The following NXPE3 variants were observed in gnomAD, a reference collection of about 807,000 sequenced individuals.
The protein encoded by NXPE3 is NXPE family member 3.
NXPE3 carries 26 observed loss-of-function variants against 46.1 expected under a neutral mutation model. That is an observed-to-expected ratio of 0.56 (90% confidence interval 0.41 to 0.78). The LOEUF is 0.78. NXPE3 is among the 30% of genes least tolerant of loss of function. The pLI, the probability that NXPE3 is intolerant of heterozygous loss-of-function variation, is 0.00. For synonymous variants in NXPE3, 272 were observed against 257.9 expected, an observed-to-expected ratio of 1.05 and a Z score of -0.52; for missense variants, 620 against 686.0, an observed-to-expected ratio of 0.90 and a Z score of 1.07.
chr3:101,822,014 A>G lies in NXPE3; in HGVS notation c.*60A>G, dbSNP rs1942282169. On this transcript the variant is annotated 3_prime_UTR_variant, in exon 8 of 8. Transcript: ENST00000273347. ...ATGACCTTCTCAATTGACCTGAGTT[A>G]CAGAAAGTGGCCCCAGTGAGAGATG... The G allele has an allele frequency of 1.3e-6, 2 of 1,509,874 alleles. No homozygotes were observed. Among genetic ancestry groups the G allele is most frequent in the East Asian group, 4.6e-5 (2 of 43,954 alleles). The allele number at this position is 1,509,874 out of a possible 1,614,324, so 93.5% of individuals were successfully genotyped here. A position where few individuals can be genotyped will look rare whatever the true frequency, so the allele number is the denominator to read the frequency against.
intron 3 of NXPE3, among the ~76,000 whole-genome samples, chr3:101,783,532 A>G (rs1939957969): frequency 6.6e-6 from 1 of 152,104 alleles, no homozygotes; most frequent in Non-Finnish European, 1.5e-5. Flanking sequence ...GCTGGGAGGG[A>G]CTTCTTGCAT....
intron 4 of NXPE3, among the ~76,000 whole-genome samples, chr3:101,792,302 A>G (rs959341983): frequency 1.4e-4 from 22 of 152,168 alleles, no homozygotes; most frequent in African/African-American, 5.1e-4. Context: ...TTTTGTTGCA[A>G]TTGCTTTTGG....
chr3:101,787,069 C>T (rs765406988), intron 4 of NXPE3, among the ~76,000 whole-genome samples: 9 of 151,720 alleles, frequency 5.9e-5, no homozygotes, highest in Non-Finnish European at 1.2e-4. Context: ...CTGAGAATCA[C>T]TTGTACCTGG....
At position 101,821,960 on chromosome 3, in the gene NXPE3, C is replaced by A; in HGVS notation, c.*6C>A. On this transcript the variant is annotated 3_prime_UTR_variant, in exon 8 of 8. Transcript: ENST00000273347. ...TGTGCCCCTTGGAAACCTAGCCTGT[C>A]TTGGAAGGGACTGGAGGAATCATAT... The A allele has an allele frequency of 6.2e-7, 1 of 1,610,374 alleles. No homozygotes were observed. Among genetic ancestry groups the A allele is most frequent in the South Asian group, 1.1e-5 (1 of 90,816 alleles).
chr3:101,812,105 G>A (rs1297165069), intron 6 of NXPE3, among the ~76,000 whole-genome samples: 2 of 152,094 alleles, frequency 1.3e-5, no homozygotes, highest in African/African-American at 4.8e-5. Flanking sequence ...TTCATGTTAT[G>A]CAGTAAAAAC....
rs1941162758 is a variant in NXPE3, at chr3:101,801,708, C to T, written c.567C>T (p.His189=). 2 of 1,614,204 alleles carry T rather than the reference C, an allele frequency of 1.2e-6. No individual in the cohort carries two copies. The highest frequency in any genetic ancestry group is 1.7e-6 in the Non-Finnish European group (2 of 1,180,030). The change falls in exon 5 of 8, where the codon CAC becomes CAT. Residue 189 remains histidine (H), a synonymous_variant. Transcript: ENST00000273347. The stretch of plus-strand genomic sequence containing the variant: ...TTAAAGTATCCGTATCTCTGGTCCA[C>T]CCCAGTGAAGGGATCAGAGTTCTTC... ...GKVKVSVSLV[H]PSEGIRVLQR... is the part of the protein sequence containing the mutation.
intron 4 of NXPE3, among the ~76,000 whole-genome samples, chr3:101,799,114 A>T (rs899288898): frequency 1.7e-4 from 26 of 151,896 alleles, no homozygotes; most frequent in Admixed American, 1.3e-3. Context: ...TTAAAAAAAA[A>T]TTCTTGTAGA....
intron 7 of NXPE3, among the ~76,000 whole-genome samples, chr3:101,818,444 G>A (rs1942060868): frequency 6.6e-6 from 1 of 151,942 alleles, no homozygotes; most frequent in East Asian, 1.9e-4. Flanking sequence ...TTCTAATGAT[G>A]TAGCTTGGTA....
intron 1 of NXPE3, chr3:101,781,687 A>G (rs1939832840): frequency 6.6e-6 from 1 of 152,222 alleles, no homozygotes; most frequent in Non-Finnish European, 1.5e-5. Context: ...AAACAGGATC[A>G]CTCAAGTTTA....
intron 6 of NXPE3, among the ~76,000 whole-genome samples, chr3:101,809,654 C>G (rs1469390809): frequency 6.6e-6 from 1 of 151,758 alleles, no homozygotes; most frequent in African/African-American, 2.4e-5. Flanking sequence ...AGTGTAGACT[C>G]ATGAAAATTT....
Position 101,793,627 on chromosome 3 carries a change from C to CTTTTTTTTTTTTTTTTTTTTTTTTTT in NXPE3, c.94-7604_94-7579dup. On this transcript the variant is annotated intron_variant, in intron 4 of 7. Coordinates refer to ENST00000273347, the MANE Select transcript of NXPE3 (RefSeq NM_145037.4). ...TTTTTTTTGTATTAATTGACAAGGT[C>CTTTTTTTTTTTTTTTTTTTTTTTTTT]TTTTTTTTTTTTTTTTTTTTTTTTT... is the stretch of plus-strand genomic sequence containing the variant. Among the ~76,000 whole-genome samples the CTTTTTTTTTTTTTTTTTTTTTTTTTT allele has an allele frequency of 3.1e-4, 6 of 19,392 alleles. 3 individuals carry two copies. In the East Asian group the frequency reaches 6.6e-3, roughly 21 times the overall value. The allele number at this position is 19,392 out of a possible 152,430, so 12.7% of individuals were successfully genotyped here.
chr3:101,798,255 A>G (rs887658233), intron 4 of NXPE3, among the ~76,000 whole-genome samples: 4 of 152,216 alleles, frequency 2.6e-5, no homozygotes, highest in Admixed American at 6.5e-5. Flanking sequence ...TAAAATGGAC[A>G]TAATAACAGG....
At position 101,825,420 on chromosome 3, in the gene NXPE3, A is replaced by C. The variant is rs1942451053; in HGVS notation, c.*3466A>C. On this transcript the variant is annotated 3_prime_UTR_variant, in exon 8 of 8. Coordinates refer to ENST00000273347, the MANE Select transcript of NXPE3 (RefSeq NM_145037.4). ...GTTGTGAATATTAGCATGGTAGCCA[A>C]ATAATAGTTTGTTTAAATGTATATT... 1 of 152,250 alleles carries C rather than the reference A, an allele frequency of 6.6e-6. No individual in the cohort carries two copies. The highest frequency in any genetic ancestry group is 6.5e-5 in the Admixed American group (1 of 15,282). The allele number at this position is 152,250 out of a possible 1,614,324, so 9.4% of individuals were successfully genotyped here.
chr3:101,795,931 C>T (rs1426139490), intron 4 of NXPE3, among the ~76,000 whole-genome samples: 1 of 152,202 alleles, frequency 6.6e-6, no homozygotes, highest in Non-Finnish European at 1.5e-5. Flanking sequence ...TTTTTGCTTT[C>T]TTGTACATGC....
At chr3:101,817,567 C>A (rs531447396) in intron 7 of NXPE3, among the ~76,000 whole-genome samples, 1 of 152,166 alleles carries the variant, frequency 6.6e-6, no homozygotes, top group African/African-American at 2.4e-5. Context: ...TAAGTTCCAG[C>A]ATTCTTAGCT....
rs1354833101 is a variant in NXPE3 at position 101,825,051 on chromosome 3, T to A, written c.*3097T>A. 2.6e-5 allele frequency: 4 copies of A among 152,228 alleles called. No homozygotes were observed. Among genetic ancestry groups the A allele is most frequent in the Non-Finnish European group, 5.9e-5 (4 of 68,030 alleles). 9.4% of individuals were successfully genotyped at this position (152,228 alleles called of 1,614,324 possible). A position where few individuals can be genotyped will look rare whatever the true frequency, so the allele number is the denominator to read the frequency against. ...GGGGTACATGTGCCAGTTTGTTTCATAGGTAAACTTACGTCATGGGGGTTT... is the reference window on the plus strand; with the variant it reads ...GGGGTACATGTGCCAGTTTGTTTCAAAGGTAAACTTACGTCATGGGGGTTT... On this transcript the variant is annotated 3_prime_UTR_variant, in exon 8 of 8. Transcript: ENST00000273347.
chr3:101,814,364 A>G (rs1941870078), intron 6 of NXPE3, among the ~76,000 whole-genome samples: 1 of 152,208 alleles, frequency 6.6e-6, no homozygotes, highest in Non-Finnish European at 1.5e-5. Context: ...TTTACCCTAC[A>G]TGCCCCCGAC....
intron 1 of NXPE3, among the ~76,000 whole-genome samples, chr3:101,781,344 C>G (rs1220738590): frequency 6.6e-6 from 1 of 152,144 alleles, no homozygotes; most frequent in Non-Finnish European, 1.5e-5. Flanking sequence ...GGGTTGCTGT[C>G]TGATTTTCTT....
chr3:101,795,732 A>G (rs957978543), intron 4 of NXPE3, among the ~76,000 whole-genome samples: 3 of 152,262 alleles, frequency 2.0e-5, no homozygotes, highest in South Asian at 2.1e-4. Flanking sequence ...AAGATGCCCA[A>G]TTCAAGCTAA....
Sources: gnomAD v4.1 joint callset for allele counts (sites outside exome capture counted in the v4.1 genomes callset) on GRCh38, gnomAD v4.1.1 for gene constraint, MANE v1.5 for transcripts, NCBI Gene and HGNC (gene_info 2026-07-23, HGNC 2026-07-21) for gene names.